DNAJC19: variants seen among roughly 807,000 people sequenced by gnomAD.
The protein encoded by DNAJC19 is DnaJ heat shock protein family (Hsp40) member C19.
Under a neutral mutation model 19.8 loss-of-function variants are expected in DNAJC19, and 15 were observed. The observed-to-expected ratio is 0.76, with a 90% CI of 0.51 to 1.17. The LOEUF (loss-of-function observed/expected upper bound fraction) is 1.17. Among genes scored for constraint, DNAJC19 ranks in the 50% most tolerant of loss-of-function variants. The probability of loss-of-function intolerance (pLI) is 0.00; values close to 1 mark genes in which losing one functional copy is unlikely to be tolerated. For missense variants in DNAJC19, 105 were observed against 140.9 expected, an observed-to-expected ratio of 0.75 and a Z score of 1.29; for synonymous variants, 38 against 42.1, an observed-to-expected ratio of 0.90 and a Z score of 0.38.
At chr3:180,989,338 G>A (rs1360858712) in intron 1 of DNAJC19, 3 of 1,419,522 alleles carry the variant, frequency 2.1e-6, no homozygotes, top group Non-Finnish European at 2.8e-6. Context: ...TGACCTTACA[G>A]GAGTTCCAGG....
chr3:180,988,795 G>A (rs1463056129), intron 1 of DNAJC19, among the ~76,000 whole-genome samples: 2 of 151,136 alleles, frequency 1.3e-5, no homozygotes, highest in East Asian at 2.0e-4. Flanking sequence ...TAGGTCGGGA[G>A]ATCGAGACCA....
At chr3:180,989,456 G>C in intron 1 of DNAJC19, 144 bp downstream of exon 1, 7 of 1,519,918 alleles carry the variant, frequency 4.6e-6, no homozygotes, top group Non-Finnish European at 6.2e-6. Context: ...GTTGTGTCCT[G>C]GTGAGTGTGA....
At chr3:180,988,682 A>G (rs1292158928) in intron 1 of DNAJC19, among the ~76,000 whole-genome samples, 1 of 152,030 alleles carries the variant, frequency 6.6e-6, no homozygotes, top group Non-Finnish European at 1.5e-5. Flanking sequence ...CACCAGACAA[A>G]TTAAGTCACA....
chr3:180,986,701 ACT>A (rs1714927710), intron 4 of DNAJC19: 6 of 496,106 alleles, frequency 1.2e-5, no homozygotes, highest in Non-Finnish European at 2.1e-5. Context: ...TTTAGTAAAC[ACT>A]CTAGGAAAAA....
In DNAJC19 at chr3:180,988,709, A is replaced by T. The variant is rs562570856; in HGVS notation, c.4-480T>A. Among the ~76,000 whole-genome samples, 162 of 152,128 alleles carry T rather than the reference A, an allele frequency of 1.1e-3. 1 individual carries two copies. The highest frequency in any genetic ancestry group is 9.1e-3 in the South Asian group (44 of 4,816). The stretch of plus-strand genomic sequence containing the variant: ...TAAGTCACATTAAAGTTCAATCAAA[A>T]GTAGTGGAAATAGGCCAGGCGCGGT... On this transcript the variant is annotated intron_variant, in intron 1 of 5. Coordinates refer to ENST00000382564, the MANE Select transcript of DNAJC19 (RefSeq NM_145261.4).
At chr3:180,986,611 T>C (rs1181597719) in intron 4 of DNAJC19, 6 of 233,974 alleles carry the variant, frequency 2.6e-5, no homozygotes, top group Non-Finnish European at 4.2e-5. Flanking sequence ...AAAAAAAATG[T>C]CAGTTACAGA....
At position 180,987,026 on chromosome 3, in the gene DNAJC19, AAAG is replaced by A; in HGVS notation, c.130-7_130-5del. On this transcript the variant is annotated splice_polypyrimidine_tract_variant and splice_region_variant and intron_variant, in intron 3 of 5. Coordinates refer to ENST00000382564, the MANE Select transcript of DNAJC19 (RefSeq NM_145261.4). ...TATAATAGCCACCACTGAAGGCCTG[AAAG>A]AAGAAATGCATTTGTAAAGAAAGGT... 1 of 1,613,392 alleles carries A rather than the reference AAAG, an allele frequency of 6.2e-7. No individual in the cohort carries two copies. The highest frequency in any genetic ancestry group is 2.2e-5 in the East Asian group (1 of 44,840).
At chr3:180,986,878 T>C in intron 4 of DNAJC19, 65 bp downstream of exon 4, 1 of 1,387,802 alleles carries the variant, frequency 7.2e-7, no homozygotes, top group East Asian at 2.3e-5. Flanking sequence ...GAGAAGGTCT[T>C]TCTTATATTT....
intron 3 of DNAJC19, 93 bp downstream of exon 3, chr3:180,987,930 A>T: frequency 6.9e-7 from 1 of 1,458,778 alleles, no homozygotes; most frequent in Non-Finnish European, 9.6e-7. Context: ...CAAAGCAATC[A>T]CTTAGAACTT....
At chr3:180,986,732 C>T (rs116295562) in intron 4 of DNAJC19, 176 of 565,698 alleles carry the variant, frequency 3.1e-4, no homozygotes, top group Non-Finnish European at 4.7e-4. Flanking sequence ...TGCTTAAGTG[C>T]TAGTGTGCCT....
intron 1 of DNAJC19, chr3:180,989,343 T>A: frequency 4.2e-6 from 6 of 1,420,368 alleles, no homozygotes; most frequent in Non-Finnish European, 5.5e-6. Flanking sequence ...TTACAGGAGT[T>A]CCAGGCAAGC....
intron 4 of DNAJC19, 75 bp downstream of exon 4, chr3:180,986,868 G>A: frequency 7.9e-7 from 1 of 1,261,482 alleles, no homozygotes; most frequent in South Asian, 1.2e-5. Flanking sequence ...TATTAAAGGA[G>A]AGAAGGTCTT....
At chr3:180,989,420 A>G in intron 1 of DNAJC19, 180 bp downstream of exon 1, 1 of 1,449,458 alleles carries the variant, frequency 6.9e-7, no homozygotes, top group Middle Eastern at 2.5e-4. Context: ...TAAAAACACA[A>G]ACCCCCAAGA....
At chr3:180,986,285 TG>T (rs1414516117) in intron 4 of DNAJC19, among the ~76,000 whole-genome samples, 21 of 138,594 alleles carry the variant, frequency 1.5e-4, no homozygotes, top group Non-Finnish European at 7.8e-5. Flanking sequence ...GGAAGAGTTT[TG>T]TTTTTTTTTT....
intron 4 of DNAJC19, among the ~76,000 whole-genome samples, chr3:180,986,431 G>A (rs1038653275): frequency 1.9e-4 from 29 of 152,134 alleles, no homozygotes; most frequent in Admixed American, 1.9e-3. Context: ...ACAGGTGTGT[G>A]CCATTACGCC....
At position 180,987,241 on chromosome 3, in the gene DNAJC19, C is replaced by A. The variant is rs1041679647; in HGVS notation, c.130-219G>T. 1.4e-4 allele frequency: 78 copies of A among 571,156 alleles called. 4 individuals carry two copies. In the South Asian group the frequency reaches 1.6e-3, roughly 12 times the overall value. 35.4% of individuals were successfully genotyped at this position (571,156 alleles called of 1,614,324 possible). On this transcript the variant is annotated intron_variant, in intron 3 of 5. Coordinates refer to ENST00000382564, the MANE Select transcript of DNAJC19 (RefSeq NM_145261.4). ...TTAAACAGATTCATTTTTTTCCAGT[C>A]AATATGAACTATCTTAGAAATATAA...
intron 3 of DNAJC19, chr3:180,987,469 G>T: frequency 4.2e-6 from 1 of 240,830 alleles, no homozygotes; most frequent in Non-Finnish European, 8.2e-6. Flanking sequence ...ACCTTGCCAT[G>T]TCAGAAATCA....
At position 180,985,925 on chromosome 3, in the gene DNAJC19, C is replaced by T. The variant is rs774006022; in HGVS notation, c.280+1G>A. The stretch of plus-strand genomic sequence containing the variant: ...TCAACGAGAATTTAATGACTACTTA[C>T]CTTTGTCAGGATGATTTAAAAGCAT... On this transcript the variant is annotated splice_donor_variant, in intron 5 of 5. Transcript: ENST00000382564. LOFTEE classifies it high-confidence loss of function. 6 of 1,612,620 alleles carry T rather than the reference C, an allele frequency of 3.7e-6. No individual in the cohort carries two copies. The African/African-American group carries it at 8.0e-5, about 22-fold the overall frequency.
rs2108506797 is a variant in DNAJC19, at chr3:180,984,550, T to A, written c.*90A>T. 1 of 889,686 alleles carries A rather than the reference T, an allele frequency of 1.1e-6. No individual in the cohort carries two copies. Among genetic ancestry groups the A allele is most frequent in the South Asian group, 1.5e-5 (1 of 66,054 alleles). 55.1% of individuals were successfully genotyped at this position (889,686 alleles called of 1,614,324 possible). On this transcript the variant is annotated 3_prime_UTR_variant, in exon 6 of 6. Coordinates refer to ENST00000382564, the MANE Select transcript of DNAJC19 (RefSeq NM_145261.4). ...ATTTAGCTTGTGCTAAATCATTTTTTAAAATTGTAGCTCTGAGGCATTTTA... is the reference window on the plus strand; with the variant it reads ...ATTTAGCTTGTGCTAAATCATTTTTAAAAATTGTAGCTCTGAGGCATTTTA...
Sources: allele counts gnomAD v4.1 joint callset (sites outside exome capture counted in the v4.1 genomes callset), GRCh38; gene constraint gnomAD v4.1.1; transcripts MANE v1.5; gene names NCBI Gene and HGNC (gene_info 2026-07-23, HGNC 2026-07-21).